LIME1: variants seen among roughly 807,000 people sequenced by gnomAD.
LIME1 encodes Lck interacting transmembrane adaptor 1.
A neutral mutation model predicts 18.8 loss-of-function variants in LIME1; 23 were observed. The observed-to-expected ratio is 1.22, with a 90% CI of 0.88 to 1.73. LIME1 has a LOEUF of 1.73. Ranked by LOEUF, LIME1 falls within the 40% of genes most tolerant of loss-of-function variation. LIME1 has a pLI of 0.00. For synonymous variants in LIME1, 177 were observed against 182.3 expected (o/e 0.97, Z 0.23); for missense variants, 423 against 396.8 (o/e 1.07, Z -0.56).
At chr20:63,737,925 G>A (rs772116197) in intron 3 of LIME1, 23 bp downstream of exon 3, 32 of 1,577,958 alleles carry the variant, frequency 2.0e-5, no homozygotes, top group Middle Eastern at 1.8e-4. Context: ...CTGTCCCGGG[G>A]ACCAGGGTGG....
chr20:63,738,283 G>C lies in LIME1; in HGVS notation c.369G>C (p.Gln123His). The C allele has an allele frequency of 6.3e-7, 1 of 1,577,304 alleles. No homozygotes were observed. Among genetic ancestry groups the C allele is most frequent in the Non-Finnish European group, 8.6e-7 (1 of 1,166,062 alleles). The change falls in exon 5 of 6, where the codon CAG becomes CAC. Residue 123 changes from glutamine (Q) to histidine (H), a missense_variant. Transcript: ENST00000309546. Reference sequence around the variant, plus strand: ...CAGCCCCCTCTGCCTTCCCACACCAGGAGCTGCCCCGGGCTCTGCCGGCAG... The same window carrying C: ...CAGCCCCCTCTGCCTTCCCACACCACGAGCTGCCCCGGGCTCTGCCGGCAG... ...PQAAPSAFPH[Q>H]ELPRALPAAA...
rs1165621533 is a variant in LIME1 at position 63,739,035 on chromosome 20, C to CA, written c.*136dup. 5 of 750,366 alleles carry CA rather than the reference C, an allele frequency of 6.7e-6. No individual in the cohort carries two copies. The East Asian group carries it at 1.5e-4, about 22-fold the overall frequency. The allele number at this position is 750,366 out of a possible 1,614,324, so 46.5% of individuals were successfully genotyped here. ...GTCCGTGAGGTCCTGGCCGCTCTGA[C>CA]AGCCGCGGCCTCCCCGGGCTCCAGA... is the stretch of plus-strand genomic sequence containing the variant. On this transcript the variant is annotated 3_prime_UTR_variant, in exon 6 of 6. Transcript: ENST00000309546.
At chr20:63,737,375 G>T in intron 1 of LIME1, 158 bp from the exon 2 acceptor site, 1 of 1,343,266 alleles carries the variant, frequency 7.4e-7, no homozygotes, top group Non-Finnish European at 9.5e-7. Context: ...GCACCTCTGG[G>T]AGGGAGGGAC....
In LIME1 at chr20:63,737,310, G is replaced by A. The variant is rs1243621459; in HGVS notation, c.-17-223G>A. ...CGTGGTCACCCGCAGGGACACGGAG[G>A]GGCCAGGCAGAGCAGCCCTAGTTCA... On this transcript the variant is annotated intron_variant, in intron 1 of 5. Transcript: ENST00000309546. 7.1e-6 allele frequency: 9 copies of A among 1,271,396 alleles called. No homozygotes were observed. The African/African-American group carries it at 1.1e-4, about 15-fold the overall frequency. The allele number at this position is 1,271,396 out of a possible 1,614,324, so 78.8% of individuals were successfully genotyped here.
intron 2 of LIME1, 37 bp downstream of exon 2, chr20:63,737,684 T>C: frequency 6.6e-7 from 1 of 1,510,984 alleles, no homozygotes; most frequent in Non-Finnish European, 8.8e-7. Context: ...GGGGCCTCGC[T>C]GCGGCTGCCA....
intron 4 of LIME1, 28 bp from the exon 5 acceptor site, chr20:63,738,155 G>A: frequency 6.5e-7 from 1 of 1,545,074 alleles, no homozygotes; most frequent in South Asian, 1.2e-5. Context: ...CCTGCCCGGA[G>A]TGAACTCTGC....
At position 63,738,938 on chromosome 20, in the gene LIME1, C is replaced by G; in HGVS notation, c.*38C>G. The stretch of plus-strand genomic sequence containing the variant: ...CTGTGCTCCTTCCTCCAGAGTGAGG[C>G]CCGTCCCCCGCCCCGCCCCGCCTCA... On this transcript the variant is annotated 3_prime_UTR_variant, in exon 6 of 6. Transcript: ENST00000309546. The G allele has an allele frequency of 2.1e-6, 3 of 1,454,966 alleles. No individual in the cohort carries two copies. Among genetic ancestry groups the G allele is most frequent in the Non-Finnish European group, 2.7e-6 (3 of 1,094,630 alleles). 90.1% of individuals were successfully genotyped at this position (1,454,966 alleles called of 1,614,324 possible).
Position 63,738,001 on chromosome 20 carries a change from C to T in LIME1, c.209C>T (p.Ser70Phe), listed in dbSNP as rs1240541888. The T allele has an allele frequency of 2.5e-6, 4 of 1,571,442 alleles. No individual in the cohort carries two copies. The highest frequency in any genetic ancestry group is 2.3e-5 in the South Asian group (2 of 86,714). Residue 70 changes from serine (S) to phenylalanine (F), a missense_variant, in exon 4 of 6, where the codon TCC becomes TTC. Transcript: ENST00000309546. The stretch of plus-strand genomic sequence containing the variant: ...CTACTGAGGCGGACCCACCTCTGCT[C>T]CCTCAGCAAGTCGGACACCAGACTG... Reference protein sequence around the residue: ...ASLLRRTHLCSLSKSDTRLHE... With the variant: ...ASLLRRTHLCFLSKSDTRLHE...
chr20:63,738,873 G>A lies in LIME1; in HGVS notation c.861G>A (p.Trp287Ter), dbSNP rs2092024943. The A allele has an allele frequency of 1.2e-6, 2 of 1,608,210 alleles. No individual in the cohort carries two copies. Among genetic ancestry groups the A allele is most frequent in the African/African-American group, 2.7e-5 (2 of 74,794 alleles). The change falls in exon 6 of 6, where the codon TGG becomes TGA. Residue 287 changes from tryptophan to a stop codon, truncating the protein, a stop_gained. Coordinates refer to ENST00000309546, the MANE Select transcript of LIME1 (RefSeq NM_017806.4). LOFTEE classifies it high-confidence loss of function. The part of the protein sequence containing the change: ...ASSCPSLGRG[W>*]RPLPASLP ...GCTGCCCCAGCCTAGGGAGGGGCTGGAGACCCCTCCCTGCCTCCCTGCCCT... is the reference window on the plus strand; with the variant it reads ...GCTGCCCCAGCCTAGGGAGGGGCTGAAGACCCCTCCCTGCCTCCCTGCCCT...
upstream of LIME1, chr20:63,736,137 G>A (rs896800434): frequency 3.1e-6 from 2 of 638,540 alleles, no homozygotes; most frequent in South Asian, 2.0e-5. Flanking sequence ...TTTCATCACA[G>A]TGTCATTCAG....
In LIME1 at chr20:63,738,457, A is replaced by G; in HGVS notation, c.543A>G (p.Gln181=). 6.5e-7 allele frequency: 1 copy of G among 1,531,380 alleles called. No individual in the cohort carries two copies. Among genetic ancestry groups the G allele is most frequent in the Non-Finnish European group, 8.8e-7 (1 of 1,138,744 alleles). The allele number at this position is 1,531,380 out of a possible 1,614,324, so 94.9% of individuals were successfully genotyped here. Residue 181 remains glutamine (Q), a synonymous_variant, in exon 5 of 6, where the codon CAA becomes CAG. Coordinates refer to ENST00000309546, the MANE Select transcript of LIME1 (RefSeq NM_017806.4). ...GCAAAGGGACCCATCGCAGTCCCCA[A>G]GAGCCACAGCAGGGGAAGACTGAGG... is the stretch of plus-strand genomic sequence containing the variant. ...QKRKGTHRSP[Q]EPQQGKTEVT...
chr20:63,738,288 T>C lies in LIME1; in HGVS notation c.374T>C (p.Leu125Pro). 1.3e-6 allele frequency: 2 copies of C among 1,573,592 alleles called. No individual in the cohort carries two copies. Among genetic ancestry groups the C allele is most frequent in the South Asian group, 2.3e-5 (2 of 86,770 alleles). Residue 125 changes from leucine to proline, a missense_variant, in exon 5 of 6, where the codon CTG becomes CCG. By Grantham distance (98) the Leu-to-Pro change is moderately conservative. Coordinates refer to ENST00000309546, the MANE Select transcript of LIME1 (RefSeq NM_017806.4). ...CCCTCTGCCTTCCCACACCAGGAGC[T>C]GCCCCGGGCTCTGCCGGCAGCTGCA... is the stretch of plus-strand genomic sequence containing the variant. ...AAPSAFPHQE[L>P]PRALPAAAAT...
rs764829537 is a variant in LIME1 at position 63,737,569 on chromosome 20, G to A, written c.20G>A (p.Trp7Ter). Residue 7 changes from tryptophan (W) to a stop codon, truncating the protein, a stop_gained, in exon 2 of 6, where the codon TGG becomes TAG. Coordinates refer to ENST00000309546, the MANE Select transcript of LIME1 (RefSeq NM_017806.4). LOFTEE classifies it high-confidence loss of function. MGLPVS[W>*]APPALWVLGC... ...CACAGGATGGGGCTGCCAGTGTCCT[G>A]GGCCCCTCCTGCCCTCTGGGTTCTA... 1 of 1,598,004 alleles carries A rather than the reference G, an allele frequency of 6.3e-7. No individual in the cohort carries two copies. Among genetic ancestry groups the A allele is most frequent in the Admixed American group, 1.7e-5 (1 of 58,410 alleles).
At position 63,738,956 on chromosome 20, in the gene LIME1, C is replaced by G. The variant is rs2145719126; in HGVS notation, c.*56C>G. The G allele has an allele frequency of 2.1e-6, 3 of 1,417,258 alleles. No homozygotes were observed. In the South Asian group the frequency reaches 4.5e-5, roughly 21 times the overall value. The allele number at this position is 1,417,258 out of a possible 1,614,324, so 87.8% of individuals were successfully genotyped here. ...AGTGAGGCCCGTCCCCCGCCCCGCC[C>G]CGCCTCACAGCTGACAGCGCCAGTC... On this transcript the variant is annotated 3_prime_UTR_variant, in exon 6 of 6. Coordinates refer to ENST00000309546, the MANE Select transcript of LIME1 (RefSeq NM_017806.4).
chr20:63,737,911 C>T lies in LIME1; in HGVS notation c.180+9C>T, dbSNP rs1341285487. 3.8e-6 allele frequency: 6 copies of T among 1,580,452 alleles called. No individual in the cohort carries two copies. The African/African-American group carries it at 6.8e-5, about 18-fold the overall frequency. On this transcript the variant is annotated intron_variant, in intron 3 of 5. Transcript: ENST00000309546. ...CGACGGCGGCGGAAGCGGTGAGTGCCAGGCTGTCCCGGGGACCAGGGTGGG... is the reference window on the plus strand; with the variant it reads ...CGACGGCGGCGGAAGCGGTGAGTGCTAGGCTGTCCCGGGGACCAGGGTGGG...
In LIME1 at chr20:63,738,074, G is replaced by GGGGCGA; in HGVS notation, c.268+19_268+20insAGGGCG. ...GCAGCAGCAGGGGTGAGCAGAGGGC[G>GGGGCGA]GGGCGGGGGCGGCCGGGCGGGGCTT... On this transcript the variant is annotated intron_variant, in intron 4 of 5. Transcript: ENST00000309546. The GGGGCGA allele has an allele frequency of 5.8e-6, 7 of 1,196,610 alleles. No individual in the cohort carries two copies. The East Asian group carries it at 1.9e-4, about 32-fold the overall frequency. 74.1% of individuals were successfully genotyped at this position (1,196,610 alleles called of 1,614,324 possible).
intron 1 of LIME1, chr20:63,737,305 C>CG: frequency 7.9e-7 from 1 of 1,263,766 alleles, no homozygotes; most frequent in Non-Finnish European, 9.9e-7. Context: ...CGCAGGGACA[C>CG]GGAGGGGCCA....
upstream of LIME1, chr20:63,736,270 C>T (rs967780813): frequency 4.1e-6 from 1 of 246,778 alleles, no homozygotes; most frequent in East Asian, 1.1e-4. Context: ...CTTCTCTGAC[C>T]AAGGCAGATC....
chr20:63,737,187 TGTGGC>T, intron 1 of LIME1: 1 of 1,043,094 alleles, frequency 9.6e-7, no homozygotes, highest in South Asian at 4.3e-5. Context: ...GTCTGTGGCC[TGTGGC>T]GCACACCCAG....
Sources: allele counts gnomAD v4.1 joint callset, GRCh38; gene constraint gnomAD v4.1.1; transcripts MANE v1.5; gene names NCBI Gene and HGNC (gene_info 2026-07-23, HGNC 2026-07-21).